The following RABGAP1L variants were observed in gnomAD, a reference collection of about 807,000 sequenced individuals.
The protein encoded by RABGAP1L is rab GTPase-activating protein 1-like.
A neutral mutation model predicts 137.7 loss-of-function variants in RABGAP1L; 63 were observed. That is an observed-to-expected ratio of 0.46 (90% confidence interval 0.37 to 0.56). RABGAP1L has a LOEUF of 0.56. RABGAP1L is among the 20% of genes least tolerant of loss of function. The pLI is 0.00. For synonymous variants in RABGAP1L, 431 were observed against 433.7 expected, an observed-to-expected ratio of 0.99 and a Z score of 0.08; for missense variants, 1,095 against 1,244.0, an observed-to-expected ratio of 0.88 and a Z score of 1.80.
intron 19 of RABGAP1L, among the ~76,000 whole-genome samples, chr1:174,865,892 A>G (rs997984783): frequency 2.0e-5 from 3 of 152,210 alleles, no homozygotes; most frequent in African/African-American, 7.2e-5. Flanking sequence ...TGTATGTATC[A>G]TGTTCACATC....
In RABGAP1L at chr1:174,775,971, C is replaced by T. The variant is rs147746519; in HGVS notation, c.2211+23617C>T. On this transcript the variant is annotated intron_variant, in intron 18 of 25. Transcript: ENST00000681986. The stretch of plus-strand genomic sequence containing the variant: ...TCCGTAGGAATTTCCAAGATTCTTG[C>T]TATTTCAGTAGAGGAGATTTCTTGG... 2.6e-5 allele frequency among the ~76,000 whole-genome samples: 4 copies of T among 152,312 alleles called. No homozygotes were observed. The East Asian group carries it at 7.7e-4, about 29-fold the overall frequency.
intron 18 of RABGAP1L, among the ~76,000 whole-genome samples, chr1:174,788,162 T>C (rs1331258234): frequency 1.3e-5 from 2 of 152,214 alleles, no homozygotes; most frequent in Non-Finnish European, 2.9e-5. Context: ...AATGTATTAT[T>C]GTTTGAACTT....
intron 18 of RABGAP1L, among the ~76,000 whole-genome samples, chr1:174,772,616 T>G (rs558362707): frequency 6.8e-6 from 1 of 146,826 alleles, no homozygotes; most frequent in East Asian, 2.0e-4. Flanking sequence ...CATTCCTAAG[T>G]ACACAGTTCA....
chr1:174,487,830 ATATCT>A (rs1356905466), intron 13 of RABGAP1L, among the ~76,000 whole-genome samples: 1 of 152,072 alleles, frequency 6.6e-6, no homozygotes, highest in East Asian at 1.9e-4. Context: ...CTTGCAAGTA[ATATCT>A]TATAACCCAT....
chr1:174,698,904 G>C (rs1428551775), intron 15 of RABGAP1L, among the ~76,000 whole-genome samples: 1 of 152,046 alleles, frequency 6.6e-6, no homozygotes, highest in African/African-American at 2.4e-5. Context: ...AAGAGGTTGG[G>C]GGGTGTAGGT....
chr1:174,187,741 A>G (rs1325224431), intron 1 of RABGAP1L, among the ~76,000 whole-genome samples: 2 of 152,084 alleles, frequency 1.3e-5, no homozygotes, highest in South Asian at 2.1e-4. Context: ...AATTCTGATC[A>G]TCTTGTAGGA....
rs201854323 is a variant in RABGAP1L at position 174,221,136 on chromosome 1, T to G, written c.303T>G (p.Leu101=). 6.2e-7 allele frequency: 1 copy of G among 1,612,268 alleles called. No homozygotes were observed. Among genetic ancestry groups the G allele is most frequent in the African/African-American group, 1.3e-5 (1 of 74,974 alleles). Residue 101 remains leucine (L), a synonymous_variant, in exon 3 of 26, where the codon CTT becomes CTG. Transcript: ENST00000681986. ...IPASQTNKPS[L]QLILDPSNTE... is the part of the protein sequence containing the mutation. ...CCAGCCAAACAAATAAGCCATCTCT[T>G]CAGTTAATTTTGGATCCGTCTAACA...
At chr1:174,538,978 T>TA (rs1333052877) in intron 13 of RABGAP1L, among the ~76,000 whole-genome samples, 2 of 152,138 alleles carry the variant, frequency 1.3e-5, no homozygotes, top group Non-Finnish European at 2.9e-5. Flanking sequence ...GCACTAGAGA[T>TA]AGACTGCCTA....
At chr1:174,565,643 C>G (rs1667524943) in intron 13 of RABGAP1L, among the ~76,000 whole-genome samples, 1 of 152,084 alleles carries the variant, frequency 6.6e-6, no homozygotes, top group Non-Finnish European at 1.5e-5. Context: ...TGGAATTTTC[C>G]TAGCACATCT....
intron 13 of RABGAP1L, among the ~76,000 whole-genome samples, chr1:174,558,863 A>C (rs1667041196): frequency 6.6e-6 from 1 of 152,178 alleles, no homozygotes; most frequent in South Asian, 2.1e-4. Flanking sequence ...GTCATTATGA[A>C]TCTTGCATTC....
intron 17 of RABGAP1L, among the ~76,000 whole-genome samples, chr1:174,706,227 C>T (rs1165999925): frequency 6.6e-6 from 1 of 152,114 alleles, no homozygotes; most frequent in Non-Finnish European, 1.5e-5. Flanking sequence ...CTTGACAATG[C>T]AGCCTGACTG....
intron 13 of RABGAP1L, among the ~76,000 whole-genome samples, chr1:174,441,492 T>A (rs916610129): frequency 1.3e-5 from 2 of 152,108 alleles, no homozygotes; most frequent in Non-Finnish European, 2.9e-5. Context: ...CCCAGCACTT[T>A]GGGAGGCTGA....
intron 11 of RABGAP1L, among the ~76,000 whole-genome samples, chr1:174,347,829 G>A (rs1682590719): frequency 6.6e-6 from 1 of 152,114 alleles, no homozygotes; most frequent in South Asian, 2.1e-4. Flanking sequence ...AGCTCCTCCT[G>A]TTCTTTGTGG....
chr1:174,454,976 A>G (rs911737096), intron 13 of RABGAP1L, among the ~76,000 whole-genome samples: 2 of 152,236 alleles, frequency 1.3e-5, no homozygotes, highest in Admixed American at 6.5e-5. Context: ...CATTTCCTAC[A>G]TAGGCAGAAT....
At chr1:174,813,304 A>C (rs1001048519) in intron 19 of RABGAP1L, among the ~76,000 whole-genome samples, 4 of 152,278 alleles carry the variant, frequency 2.6e-5, no homozygotes, top group Admixed American at 2.6e-4. Flanking sequence ...TTTGAAAGAG[A>C]ACCAATAAGA....
At chr1:174,706,601 T>C (rs189018065) in intron 17 of RABGAP1L, among the ~76,000 whole-genome samples, 141 of 152,110 alleles carry the variant, frequency 9.3e-4, no homozygotes, top group African/African-American at 3.1e-3. Context: ...TAAAAGAAAA[T>C]TTGCAAATAT....
chr1:174,338,478 T>C (rs1338474697), intron 11 of RABGAP1L, among the ~76,000 whole-genome samples: 2 of 151,998 alleles, frequency 1.3e-5, no homozygotes, highest in East Asian at 3.8e-4. Flanking sequence ...TGTAGCAATG[T>C]TTTTGTCACT....
intron 13 of RABGAP1L, among the ~76,000 whole-genome samples, chr1:174,613,721 C>G (rs1403008310): frequency 1.3e-5 from 2 of 152,186 alleles, no homozygotes; most frequent in African/African-American, 4.8e-5. Flanking sequence ...TCAGGACTTG[C>G]ATTATGAATC....
chr1:174,218,097 A>G (rs1669476518), intron 1 of RABGAP1L, among the ~76,000 whole-genome samples: 1 of 152,096 alleles, frequency 6.6e-6, no homozygotes, highest in Non-Finnish European at 1.5e-5. Context: ...GTCACTGAGC[A>G]GATTGTGTAA....
Sources: gnomAD v4.1 joint callset for allele counts (sites outside exome capture counted in the v4.1 genomes callset) on GRCh38, gnomAD v4.1.1 for gene constraint, MANE v1.5 for transcripts, NCBI Gene and HGNC (gene_info 2026-07-23, HGNC 2026-07-21) for gene names.